SCRT2: variants seen among roughly 807,000 people sequenced by gnomAD.
The protein encoded by SCRT2 is transcriptional repressor scratch 2.
Under a neutral mutation model 3.7 loss-of-function variants are expected in SCRT2, and 2 were observed. The ratio of observed to expected loss-of-function variants is 0.54; its 90% CI spans 0.22 to 1.70. The LOEUF is 1.70. SCRT2 is among the 40% of genes most tolerant of loss of function. SCRT2 has a pLI of 0.19. For missense variants in SCRT2, 456 were observed against 468.5 expected, an observed-to-expected ratio of 0.97 and a Z score of 0.25; for synonymous variants, 256 against 220.6, an observed-to-expected ratio of 1.16 and a Z score of -1.42.
At position 664,596 on chromosome 20, in the gene SCRT2, A is replaced by T. The variant is rs750247596; in HGVS notation, c.134-135T>A. 6.9e-4 allele frequency: 375 copies of T among 543,872 alleles called. No homozygotes were observed. Among genetic ancestry groups the T allele is most frequent in the Non-Finnish European group, 7.5e-4 (269 of 358,960 alleles). The allele number at this position is 543,872 out of a possible 1,614,324, so 33.7% of individuals were successfully genotyped here. A position where few individuals can be genotyped will look rare whatever the true frequency, so the allele number is the denominator to read the frequency against. On this transcript the variant is annotated intron_variant, in intron 1 of 1. Transcript: ENST00000246104. The surrounding 1 kb of genome is among the most constrained non-coding windows in gnomAD (Gnocchi z 7.9). The stretch of plus-strand genomic sequence containing the variant: ...CCGACAGTGGTGGTCTCCGACCTGC[A>T]CCTCAGCTCTTCCTGTCAGGCAGCC...
rs1289880415 is a variant in SCRT2 at position 675,504 on chromosome 20, A to G, written c.98T>C (p.Val33Ala). ...PTYHPLETAY[V>A]LPGARGPPGD... ...GGGAGGCCCCCGGGCGCCAGGCAGC[A>G]CGTAGGCTGTCTCCAAGGGGTGGTA... Residue 33 changes from valine (V) to alanine (A), a missense_variant, in exon 1 of 2, where the codon GTG (valine) becomes GCG (alanine). Physicochemically the swap from Val to Ala is moderately conservative, Grantham distance 64. Coordinates refer to ENST00000246104, the MANE Select transcript of SCRT2 (RefSeq NM_033129.4). This position sits in a 1 kb window ranked among gnomAD's most constrained non-coding sequence, Gnocchi z 6.9. 9.4e-6 allele frequency: 13 copies of G among 1,383,002 alleles called. No homozygotes were observed. Among genetic ancestry groups the G allele is most frequent in the Middle Eastern group, 2.0e-4 (1 of 4,964 alleles). The allele number at this position is 1,383,002 out of a possible 1,614,324, so 85.7% of individuals were successfully genotyped here.
Position 675,661 on chromosome 20 carries a change from T to G in SCRT2, c.-60A>C. On this transcript the variant is annotated 5_prime_UTR_variant, in exon 1 of 2. Coordinates refer to ENST00000246104, the MANE Select transcript of SCRT2 (RefSeq NM_033129.4). The surrounding 1 kb of genome is among the most constrained non-coding windows in gnomAD (Gnocchi z 6.9). ...GGCCGGCCGGGCGCGATCGGCTGTG[T>G]CCGCGCGGGTTTTCAGCACTGGACA... The G allele has an allele frequency of 8.4e-7, 1 of 1,195,352 alleles. No individual in the cohort carries two copies. Among genetic ancestry groups the G allele is most frequent in the Non-Finnish European group, 1.1e-6 (1 of 947,382 alleles). The allele number at this position is 1,195,352 out of a possible 1,614,324, so 74.0% of individuals were successfully genotyped here.
chr20:674,441 A>AC, intron 1 of SCRT2, among the ~76,000 whole-genome samples: 2 of 94,680 alleles, frequency 2.1e-5, no homozygotes, highest in East Asian at 2.8e-4. Flanking sequence ...ACACACACAC[A>AC]ACCCAAAGCT....
At chr20:670,434 C>T (rs1255570207) in intron 1 of SCRT2, among the ~76,000 whole-genome samples, 1 of 150,020 alleles carries the variant, frequency 6.7e-6, no homozygotes, top group Non-Finnish European at 1.5e-5. Flanking sequence ...GGGGAGTCCA[C>T]AGCTGGGAAA....
Position 675,663 on chromosome 20 carries a change from C to A in SCRT2, c.-62G>T. The A allele has an allele frequency of 2.5e-6, 3 of 1,198,550 alleles. No homozygotes were observed. Among genetic ancestry groups the A allele is most frequent in the Non-Finnish European group, 3.2e-6 (3 of 948,538 alleles). 74.2% of individuals were successfully genotyped at this position (1,198,550 alleles called of 1,614,324 possible). ...CCGGCCGGGCGCGATCGGCTGTGTC[C>A]GCGCGGGTTTTCAGCACTGGACAGC... is the stretch of plus-strand genomic sequence containing the variant. On this transcript the variant is annotated 5_prime_UTR_variant, in exon 1 of 2. Coordinates refer to ENST00000246104, the MANE Select transcript of SCRT2 (RefSeq NM_033129.4). This position sits in a 1 kb window ranked among gnomAD's most constrained non-coding sequence, Gnocchi z 6.9.
At position 666,156 on chromosome 20, in the gene SCRT2, G is replaced by A. The variant is rs561664276; in HGVS notation, c.134-1695C>T. Among the ~76,000 whole-genome samples the A allele has an allele frequency of 2.0e-5, 3 of 152,228 alleles. No individual in the cohort carries two copies. Among genetic ancestry groups the A allele is most frequent in the African/African-American group, 4.8e-5 (2 of 41,532 alleles). ...TTATGGAAGTGGATGACTCGGAAGC[G>A]GGGGGCTCTGTGGTTGGATGTAAAG... On this transcript the variant is annotated intron_variant, in intron 1 of 1. Transcript: ENST00000246104. This position sits in a 1 kb window ranked among gnomAD's most constrained non-coding sequence, Gnocchi z 4.4.
At chr20:672,299 C>A (rs1160214149) in intron 1 of SCRT2, among the ~76,000 whole-genome samples, 1 of 151,958 alleles carries the variant, frequency 6.6e-6, no homozygotes, top group African/African-American at 2.4e-5. Context: ...CTTGGGGGGA[C>A]CCTGGAGCAC....
At position 664,447 on chromosome 20, in the gene SCRT2, G is replaced by T; in HGVS notation, c.148C>A (p.Arg50Ser). 7.9e-7 allele frequency: 1 copy of T among 1,273,796 alleles called. No homozygotes were observed. Among genetic ancestry groups the T allele is most frequent in the Non-Finnish European group, 9.9e-7 (1 of 1,006,814 alleles). The allele number at this position is 1,273,796 out of a possible 1,614,324, so 78.9% of individuals were successfully genotyped here. A position where few individuals can be genotyped will look rare whatever the true frequency, so the allele number is the denominator to read the frequency against. The part of the protein sequence containing the change: ...PPGDNGYAPH[R>S]LPPSSYDADQ... Reference sequence around the variant, plus strand: ...GCATCGTAGCTGCTCGGGGGCAGGCGGTGCGGGGCGTACCCTGGAGGGGGC... The same window carrying T: ...GCATCGTAGCTGCTCGGGGGCAGGCTGTGCGGGGCGTACCCTGGAGGGGGC... Residue 50 changes from arginine (R) to serine (S), a missense_variant, in exon 2 of 2, where the codon CGC (arginine) becomes AGC (serine). Arg to Ser is a moderately radical substitution (Grantham distance 110, BLOSUM62 -1). Coordinates refer to ENST00000246104, the MANE Select transcript of SCRT2 (RefSeq NM_033129.4). The surrounding 1 kb of genome is among the most constrained non-coding windows in gnomAD (Gnocchi z 7.9).
Position 664,355 on chromosome 20 carries a change from C to T in SCRT2, c.240G>A (p.Glu80=), listed in dbSNP as rs759617172. 4.1e-6 allele frequency: 6 copies of T among 1,474,564 alleles called. No homozygotes were observed. The South Asian group carries it at 6.6e-5, about 16-fold the overall frequency. The allele number at this position is 1,474,564 out of a possible 1,614,324, so 91.3% of individuals were successfully genotyped here. The change falls in exon 2 of 2, where the codon GAG becomes GAA. Residue 80 remains glutamate (E), a synonymous_variant. Coordinates refer to ENST00000246104, the MANE Select transcript of SCRT2 (RefSeq NM_033129.4). The surrounding 1 kb of genome is among the most constrained non-coding windows in gnomAD (Gnocchi z 7.9). ...ACTGCGGGCTTTCGGGGTCGCTGTA[C>T]TCCTCCGGCGCCGCCGGCGGGTACG... ...EPAYPPAAPE[E]YSDPESPQSS...
In SCRT2 at chr20:663,581, G is replaced by A; in HGVS notation, c.*90C>T. 2 of 1,213,098 alleles carry A rather than the reference G, an allele frequency of 1.6e-6. No homozygotes were observed. The highest frequency in any genetic ancestry group is 2.1e-6 in the Non-Finnish European group (2 of 955,898). 75.1% of individuals were successfully genotyped at this position (1,213,098 alleles called of 1,614,324 possible). ...AGAGGGTCATGGGCAGGGAAACGCA[G>A]CCGGGGCTGGGCGAGGGCGCTGCGG... On this transcript the variant is annotated 3_prime_UTR_variant, in exon 2 of 2. Coordinates refer to ENST00000246104, the MANE Select transcript of SCRT2 (RefSeq NM_033129.4). This position sits in a 1 kb window ranked among gnomAD's most constrained non-coding sequence, Gnocchi z 6.9.
In SCRT2 at chr20:664,167, C is replaced by A; in HGVS notation, c.428G>T (p.Gly143Val). 2 of 1,079,756 alleles carry A rather than the reference C, an allele frequency of 1.9e-6. No individual in the cohort carries two copies. The highest frequency in any genetic ancestry group is 2.2e-6 in the Non-Finnish European group (2 of 892,300). 66.9% of individuals were successfully genotyped at this position (1,079,756 alleles called of 1,614,324 possible). A position where few individuals can be genotyped will look rare whatever the true frequency, so the allele number is the denominator to read the frequency against. ...GDAGGAGGRAGRAGAQAGGGH... is the reference protein window; with the variant it reads ...GDAGGAGGRAVRAGAQAGGGH... Reference sequence around the variant, plus strand: ...GCCGCCCGCCTGCGCCCCCGCGCGCCCCGCGCGCCCCCCGGCGCCCCCCGC... The same window carrying A: ...GCCGCCCGCCTGCGCCCCCGCGCGCACCGCGCGCCCCCCGGCGCCCCCCGC... The change falls in exon 2 of 2, where the codon GGG becomes GTG. Residue 143 changes from glycine (G) to valine (V), a missense_variant. By Grantham distance (109) the Gly-to-Val change is moderately radical (BLOSUM62 -3). Coordinates refer to ENST00000246104, the MANE Select transcript of SCRT2 (RefSeq NM_033129.4). This position sits in a 1 kb window ranked among gnomAD's most constrained non-coding sequence, Gnocchi z 7.9.
intron 1 of SCRT2, among the ~76,000 whole-genome samples, chr20:673,090 G>A (rs929615006): frequency 4.6e-5 from 7 of 152,320 alleles, no homozygotes; most frequent in African/African-American, 1.7e-4. Context: ...TTGGTCTCTG[G>A]CACTGACCGT....
rs1984093908 is a variant in SCRT2 at position 664,509 on chromosome 20, G to C, written c.134-48C>G. ...GGGCGGTGAGAGGAGGCGCCGAAGAGGGTTTCCCGCTTTGAGCGCGTCACC... is the reference window on the plus strand; with the variant it reads ...GGGCGGTGAGAGGAGGCGCCGAAGACGGTTTCCCGCTTTGAGCGCGTCACC... On this transcript the variant is annotated intron_variant, in intron 1 of 1. Coordinates refer to ENST00000246104, the MANE Select transcript of SCRT2 (RefSeq NM_033129.4). This position sits in a 1 kb window ranked among gnomAD's most constrained non-coding sequence, Gnocchi z 7.9. 5.9e-6 allele frequency: 7 copies of C among 1,191,958 alleles called. No individual in the cohort carries two copies. Among genetic ancestry groups the C allele is most frequent in the Non-Finnish European group, 7.4e-6 (7 of 948,244 alleles). The allele number at this position is 1,191,958 out of a possible 1,614,324, so 73.8% of individuals were successfully genotyped here. A position where few individuals can be genotyped will look rare whatever the true frequency, so the allele number is the denominator to read the frequency against.
At position 664,025 on chromosome 20, in the gene SCRT2, C is replaced by G; in HGVS notation, c.570G>C (p.Thr190=). Residue 190 remains threonine (T), a synonymous_variant, in exon 2 of 2, where the codon ACG becomes ACC. Coordinates refer to ENST00000246104, the MANE Select transcript of SCRT2 (RefSeq NM_033129.4). This position sits in a 1 kb window ranked among gnomAD's most constrained non-coding sequence, Gnocchi z 7.9. The part of the protein sequence containing the change: ...LDSQLARKCP[T]CGKAYVSMPA... ...GCATGGACACGTAGGCCTTGCCGCA[C>G]GTCGGGCATTTGCGCGCCAGCTGGC... 3.7e-6 allele frequency: 6 copies of G among 1,612,120 alleles called. No homozygotes were observed. Among genetic ancestry groups the G allele is most frequent in the Non-Finnish European group, 5.1e-6 (6 of 1,179,614 alleles).
chr20:668,989 G>A (rs1196755135), intron 1 of SCRT2, among the ~76,000 whole-genome samples: 1 of 152,188 alleles, frequency 6.6e-6, no homozygotes, highest in Non-Finnish European at 1.5e-5. Context: ...TGAGAGGGAG[G>A]CGGCAGGTTT....
intron 1 of SCRT2, among the ~76,000 whole-genome samples, chr20:674,372 AC>A (rs1350995834): frequency 1.2e-4 from 7 of 60,248 alleles, no homozygotes; most frequent in South Asian, 5.5e-4. Context: ...CTCTTTCCCC[AC>A]CCCCATCTCT....
Position 664,487 on chromosome 20 carries a change from C to T in SCRT2, c.134-26G>A, listed in dbSNP as rs772968815. The T allele has an allele frequency of 2.4e-6, 3 of 1,227,524 alleles. No homozygotes were observed. The highest frequency in any genetic ancestry group is 3.1e-5 in the East Asian group (1 of 31,830). 76.0% of individuals were successfully genotyped at this position (1,227,524 alleles called of 1,614,324 possible). On this transcript the variant is annotated intron_variant, in intron 1 of 1. Transcript: ENST00000246104. This position sits in a 1 kb window ranked among gnomAD's most constrained non-coding sequence, Gnocchi z 7.9. Reference sequence around the variant, plus strand: ...CTGGAGGGGGCGAGAAGTGGAGGGGCGGTGAGAGGAGGCGCCGAAGAGGGT... The same window carrying T: ...CTGGAGGGGGCGAGAAGTGGAGGGGTGGTGAGAGGAGGCGCCGAAGAGGGT...
Position 667,811 on chromosome 20 carries a change from G to A in SCRT2, c.134-3350C>T, listed in dbSNP as rs1984202759. Among the ~76,000 whole-genome samples, 1 of 152,182 alleles carries A rather than the reference G, an allele frequency of 6.6e-6. No homozygotes were observed. Among genetic ancestry groups the A allele is most frequent in the Non-Finnish European group, 1.5e-5 (1 of 68,028 alleles). ...ATCCTGTGAGAGTTTGTGTGGTCAT[G>A]TTAGGAGGAGGTGGTTCTAACTTGC... is the stretch of plus-strand genomic sequence containing the variant. On this transcript the variant is annotated intron_variant, in intron 1 of 1. Coordinates refer to ENST00000246104, the MANE Select transcript of SCRT2 (RefSeq NM_033129.4). This position sits in a 1 kb window ranked among gnomAD's most constrained non-coding sequence, Gnocchi z 4.4.
At chr20:670,841 TCAGGGGTTCC>T (rs1246861225) in intron 1 of SCRT2, among the ~76,000 whole-genome samples, 8 of 152,242 alleles carry the variant, frequency 5.3e-5, no homozygotes, top group Admixed American at 3.9e-4. Flanking sequence ...TTAGAGGAAA[TCAGGGGTTCC>T]CAGATTCCAT....
Sources: allele counts gnomAD v4.1 joint callset (sites outside exome capture counted in the v4.1 genomes callset), GRCh38; gene constraint gnomAD v4.1.1; non-coding constraint Gnocchi (gnomAD v3.1); transcripts MANE v1.5; gene names NCBI Gene and HGNC (gene_info 2026-07-23, HGNC 2026-07-21).